The following CSMD3 variants were observed in gnomAD, a reference collection of about 807,000 sequenced individuals.
CSMD3 encodes the protein CUB and sushi domain-containing protein 3.
A neutral mutation model predicts 435.2 loss-of-function variants in CSMD3; 177 were observed. That is an observed-to-expected ratio of 0.41 (90% CI 0.36 to 0.46). The LOEUF is 0.46. CSMD3 is among the 20% of genes least tolerant of loss of function. CSMD3 has a pLI of 0.34. For synonymous variants in CSMD3, 1,656 were observed against 1,520.5 expected (o/e 1.09, Z -2.07); for missense variants, 4,265 against 4,504.6 (o/e 0.95, Z 1.52).
chr8:112,354,806 T>C (rs893397302), intron 38 of CSMD3, among the ~76,000 whole-genome samples: 1 of 152,156 alleles, frequency 6.6e-6, no homozygotes, highest in Non-Finnish European at 1.5e-5. Context: ...GCTATTTCCA[T>C]CAAACTACCA....
At chr8:113,406,432 C>A (rs552066464) in intron 1 of CSMD3, among the ~76,000 whole-genome samples, 24 of 151,816 alleles carry the variant, frequency 1.6e-4, no homozygotes, top group African/African-American at 5.8e-4. Flanking sequence ...AGGCATAAAC[C>A]CTTTGGTGCA....
intron 2 of CSMD3, among the ~76,000 whole-genome samples, chr8:113,280,325 C>A (rs1427139562): frequency 1.3e-5 from 2 of 151,782 alleles, no homozygotes; most frequent in Non-Finnish European, 2.9e-5. Context: ...TTTAAAATTA[C>A]CATTTCAATC....
At chr8:113,183,593 C>A (rs551994881) in intron 3 of CSMD3, among the ~76,000 whole-genome samples, 3 of 152,042 alleles carry the variant, frequency 2.0e-5, no homozygotes, top group African/African-American at 7.2e-5. Flanking sequence ...ACCTTCTTAT[C>A]CCCTGCTATA....
chr8:112,592,889 T>C (rs1474293416), intron 22 of CSMD3, among the ~76,000 whole-genome samples: 5 of 152,188 alleles, frequency 3.3e-5, no homozygotes, highest in Non-Finnish European at 7.4e-5. Flanking sequence ...GTACATGCAC[T>C]AACATGTAGT....
chr8:113,418,289 G>A (rs1454768653), intron 1 of CSMD3, among the ~76,000 whole-genome samples: 1 of 152,144 alleles, frequency 6.6e-6, no homozygotes, highest in Non-Finnish European at 1.5e-5. Flanking sequence ...TATCTAGAGA[G>A]GAGAGGTAGT....
At chr8:112,941,571 A>G (rs1397832620) in intron 9 of CSMD3, among the ~76,000 whole-genome samples, 3 of 151,788 alleles carry the variant, frequency 2.0e-5, no homozygotes, top group African/African-American at 7.2e-5. Flanking sequence ...CATAATTGAA[A>G]TATCTCTTTT....
intron 1 of CSMD3, among the ~76,000 whole-genome samples, chr8:113,435,349 T>C (rs1586201984): frequency 6.6e-6 from 1 of 152,204 alleles, no homozygotes. Flanking sequence ...ATTCTAGACA[T>C]GCCACCCATC....
At chr8:112,688,419 T>C (rs537576296) in intron 14 of CSMD3, among the ~76,000 whole-genome samples, 1 of 152,266 alleles carries the variant, frequency 6.6e-6, no homozygotes, top group East Asian at 1.9e-4. Context: ...TTGTATCTAC[T>C]CCTGCCTGTT....
At chr8:113,183,651 C>G (rs1271274274) in intron 3 of CSMD3, among the ~76,000 whole-genome samples, 1 of 151,934 alleles carries the variant, frequency 6.6e-6, no homozygotes, top group East Asian at 1.9e-4. Context: ...AATTTAGACT[C>G]TATTCACTCT....
At chr8:112,918,100 AT>A (rs2130596764) in intron 10 of CSMD3, among the ~76,000 whole-genome samples, 1 of 152,064 alleles carries the variant, frequency 6.6e-6, no homozygotes, top group South Asian at 2.1e-4. Context: ...TTTACGCCTT[AT>A]AAATCAATAC....
Position 112,374,865 on chromosome 8 carries a change from T to C in CSMD3, c.6136+5487A>G, listed in dbSNP as rs80246765. ...ATGTTTTGTTTGTTTATTTTTCTCT[T>C]AGGTGAAGAATCTAGATAGCTAACG... On this transcript the variant is annotated intron_variant, in intron 38 of 70. Coordinates refer to ENST00000297405, the MANE Select transcript of CSMD3 (RefSeq NM_198123.2). Among the ~76,000 whole-genome samples, 548 of 152,298 alleles carry C rather than the reference T, an allele frequency of 3.6e-3. 2 individuals carry two copies. The highest frequency in any genetic ancestry group is 6.1e-3 in the Non-Finnish European group (413 of 68,008).
chr8:112,715,915 C>A (rs765019329), intron 13 of CSMD3, among the ~76,000 whole-genome samples: 1 of 151,970 alleles, frequency 6.6e-6, no homozygotes, highest in African/African-American at 2.4e-5. Flanking sequence ...GATATTCATG[C>A]AAAATATCTC....
At chr8:113,214,960 C>A (rs2132097867) in intron 3 of CSMD3, among the ~76,000 whole-genome samples, 1 of 151,668 alleles carries the variant, frequency 6.6e-6, no homozygotes, top group Admixed American at 6.6e-5. Context: ...TGATATGAAA[C>A]TAAAACGAAA....
chr8:112,505,445 A>G (rs1586545782), intron 29 of CSMD3, among the ~76,000 whole-genome samples: 1 of 152,214 alleles, frequency 6.6e-6, no homozygotes, highest in East Asian at 1.9e-4. Context: ...GGTAATTACA[A>G]CTTCCTTTTC....
intron 32 of CSMD3, among the ~76,000 whole-genome samples, chr8:112,423,648 T>TC (rs1460123243): frequency 9.2e-5 from 14 of 152,274 alleles, no homozygotes; most frequent in African/African-American, 3.4e-4. Context: ...TTTCACCATG[T>TC]TGCCCAGGCT....
At chr8:112,500,488 A>T (rs1040690148) in intron 30 of CSMD3, among the ~76,000 whole-genome samples, 2 of 152,166 alleles carry the variant, frequency 1.3e-5, no homozygotes, top group African/African-American at 2.4e-5. Flanking sequence ...GATACTAGAA[A>T]ATTAAGAATG....
chr8:112,489,226 T>C (rs1255538300), intron 31 of CSMD3, among the ~76,000 whole-genome samples: 1 of 151,964 alleles, frequency 6.6e-6, no homozygotes, highest in Admixed American at 6.6e-5. Context: ...GAGACCAGCC[T>C]GGGTAACATA....
intron 5 of CSMD3, among the ~76,000 whole-genome samples, chr8:113,096,889 C>T (rs947198310): frequency 6.6e-6 from 1 of 152,116 alleles, no homozygotes; most frequent in African/African-American, 2.4e-5. Flanking sequence ...GCTACACACT[C>T]ATCAAAACAT....
At chr8:112,248,493 G>A (rs1380742619) in intron 63 of CSMD3, among the ~76,000 whole-genome samples, 3 of 152,070 alleles carry the variant, frequency 2.0e-5, no homozygotes, top group Non-Finnish European at 2.9e-5. Flanking sequence ...TTTATTGGAT[G>A]ATTAGAGGTG....
Sources: allele counts gnomAD v4.1 joint callset (sites outside exome capture counted in the v4.1 genomes callset), GRCh38; gene constraint gnomAD v4.1.1; transcripts MANE v1.5; gene names NCBI Gene and HGNC (gene_info 2026-07-23, HGNC 2026-07-21).